Variants in CPED1 observed in about 807,000 individuals in gnomAD.
CPED1 encodes the protein cadherin-like and PC-esterase domain-containing protein 1.
CPED1 carries 114 observed loss-of-function variants against 128.2 expected under a neutral mutation model. The observed-to-expected ratio is 0.89, with a 90% CI of 0.76 to 1.04. The LOEUF is 1.04. CPED1 is among the 50% of genes least tolerant of loss of function. CPED1 has a pLI of 0.00. For synonymous variants in CPED1, 462 were observed against 426.7 expected (o/e 1.08, Z -1.02); for missense variants, 1,211 against 1,207.1 (o/e 1.00, Z -0.05).
At chr7:121,172,358 C>A (rs1456326548) in intron 16 of CPED1, among the ~76,000 whole-genome samples, 1 of 151,480 alleles carries the variant, frequency 6.6e-6, no homozygotes. Context: ...GTTTCATTAA[C>A]CCTGTCCTGA....
intron 3 of CPED1, among the ~76,000 whole-genome samples, 175 bp downstream of exon 3, chr7:121,016,023 C>A (rs1268756505): frequency 6.6e-6 from 1 of 152,100 alleles, no homozygotes; most frequent in Non-Finnish European, 1.5e-5. Context: ...CTCTATTTTT[C>A]TTTAACTGTG....
chr7:121,144,098 A>C (rs550336935), intron 16 of CPED1, among the ~76,000 whole-genome samples: 19 of 152,218 alleles, frequency 1.2e-4, no homozygotes, highest in Non-Finnish European at 2.5e-4. Context: ...GGGAAAGTAA[A>C]CTAGTACAGC....
intron 16 of CPED1, among the ~76,000 whole-genome samples, chr7:121,228,713 C>T (rs1409342035): frequency 1.3e-5 from 2 of 151,888 alleles, no homozygotes; most frequent in African/African-American, 2.4e-5. Flanking sequence ...CAGCACTATT[C>T]ACAATAGCAA....
At chr7:121,234,432 C>T (rs1273651616) in intron 16 of CPED1, among the ~76,000 whole-genome samples, 1 of 151,950 alleles carries the variant, frequency 6.6e-6, no homozygotes, top group African/African-American at 2.4e-5. Flanking sequence ...GTTTAGATGA[C>T]ATTATAGCAT....
At chr7:121,085,383 T>C (rs1293647414) in intron 5 of CPED1, among the ~76,000 whole-genome samples, 2 of 152,234 alleles carry the variant, frequency 1.3e-5, no homozygotes, top group African/African-American at 4.8e-5. Context: ...AAAAAATAAA[T>C]TGGATTTTTT....
chr7:121,108,437 A>G (rs1795031054), intron 7 of CPED1, among the ~76,000 whole-genome samples: 1 of 152,094 alleles, frequency 6.6e-6, no homozygotes, highest in African/African-American at 2.4e-5. Flanking sequence ...TTAAAGAATG[A>G]TATCCCTCAG....
chr7:121,117,352 C>T (rs1442982005), intron 7 of CPED1, among the ~76,000 whole-genome samples: 3 of 151,852 alleles, frequency 2.0e-5, no homozygotes, highest in East Asian at 1.9e-4. Flanking sequence ...CCACCTGCCT[C>T]GGCCTCCCAA....
intron 18 of CPED1, among the ~76,000 whole-genome samples, chr7:121,247,379 C>A (rs567946194): frequency 2.4e-4 from 36 of 152,140 alleles, no homozygotes; most frequent in African/African-American, 7.9e-4. Flanking sequence ...AGTTTCAAGA[C>A]AATAGTAGAA....
rs913119862 is a variant in CPED1, at chr7:121,296,036, G to A, written c.*384G>A. ...TCATGTTGTCTTACCATATCTATAG[G>A]TACATCAATATTGAAAAGGAGAAAA... On this transcript the variant is annotated 3_prime_UTR_variant, in exon 23 of 23. Coordinates refer to ENST00000310396, the MANE Select transcript of CPED1 (RefSeq NM_024913.5). The A allele has an allele frequency of 1.9e-5, 3 of 158,312 alleles. No individual in the cohort carries two copies. Among genetic ancestry groups the A allele is most frequent in the Admixed American group, 1.3e-4 (2 of 15,814 alleles). The allele number at this position is 158,312 out of a possible 1,614,324, so 9.8% of individuals were successfully genotyped here. A position where few individuals can be genotyped will look rare whatever the true frequency, so the allele number is the denominator to read the frequency against.
intron 5 of CPED1, among the ~76,000 whole-genome samples, chr7:121,067,502 C>G (rs1360721039): frequency 6.6e-6 from 1 of 152,128 alleles, no homozygotes; most frequent in African/African-American, 2.4e-5. Context: ...TTTTCTTAAT[C>G]CAGTCTATCA....
intron 2 of CPED1, among the ~76,000 whole-genome samples, chr7:121,010,293 C>T (rs987398320): frequency 6.6e-6 from 1 of 151,974 alleles, no homozygotes; most frequent in East Asian, 1.9e-4. Flanking sequence ...GCTCTGTCAC[C>T]ATGGCTGGAG....
At chr7:121,232,662 T>A (rs901517641) in intron 16 of CPED1, among the ~76,000 whole-genome samples, 7 of 152,128 alleles carry the variant, frequency 4.6e-5, no homozygotes, top group African/African-American at 1.7e-4. Context: ...CCAGAGGGAT[T>A]TGGCCATGCC....
intron 21 of CPED1, among the ~76,000 whole-genome samples, chr7:121,270,792 C>G (rs1030547773): frequency 1.3e-5 from 2 of 151,908 alleles, no homozygotes; most frequent in Non-Finnish European, 2.9e-5. Flanking sequence ...ATAGTATAGC[C>G]TGAAGTCACA....
At chr7:121,258,614 G>A (rs947635374) in intron 18 of CPED1, among the ~76,000 whole-genome samples, 7 of 152,030 alleles carry the variant, frequency 4.6e-5, no homozygotes, top group African/African-American at 1.7e-4. Flanking sequence ...CTTTCTACTG[G>A]AGGAACAGAC....
At chr7:121,169,581 AT>A (rs2116462611) in intron 16 of CPED1, among the ~76,000 whole-genome samples, 1 of 152,326 alleles carries the variant, frequency 6.6e-6, no homozygotes, top group East Asian at 1.9e-4. Context: ...ATATCATCAA[AT>A]TTTGGTATGC....
intron 2 of CPED1, among the ~76,000 whole-genome samples, chr7:121,007,833 C>T (rs1478750220): frequency 6.6e-6 from 1 of 151,952 alleles, no homozygotes; most frequent in Non-Finnish European, 1.5e-5. Flanking sequence ...AAATCAGGCT[C>T]CATAGAACAG....
At chr7:121,266,590 A>T in intron 19 of CPED1, 117 bp from the exon 20 acceptor site, 1 of 1,152,590 alleles carries the variant, frequency 8.7e-7, no homozygotes, top group Non-Finnish European at 1.3e-6. Context: ...ACAAGTTGGA[A>T]AGTACAAGGA....
chr7:121,052,481 C>T (rs1793380636), intron 4 of CPED1, among the ~76,000 whole-genome samples: 2 of 152,058 alleles, frequency 1.3e-5, no homozygotes, highest in South Asian at 4.1e-4. Flanking sequence ...TCTCTGTAGC[C>T]TTCACCATCT....
At chr7:121,019,968 T>G (rs1238743225) in intron 3 of CPED1, among the ~76,000 whole-genome samples, 1 of 152,012 alleles carries the variant, frequency 6.6e-6, no homozygotes, top group Non-Finnish European at 1.5e-5. Flanking sequence ...ATCCAAGTAG[T>G]ATGTCATCAA....
Sources: allele counts gnomAD v4.1 joint callset (sites outside exome capture counted in the v4.1 genomes callset), GRCh38; gene constraint gnomAD v4.1.1; transcripts MANE v1.5; gene names NCBI Gene and HGNC (gene_info 2026-07-23, HGNC 2026-07-21).